The following NOTCH1 variants were observed in gnomAD, a reference collection of about 807,000 sequenced individuals.
The protein encoded by NOTCH1 is neurogenic locus notch homolog protein 1.
NOTCH1 carries 37 observed loss-of-function variants against 254.8 expected under a neutral mutation model. The observed-to-expected ratio is 0.15, with a 90% CI of 0.11 to 0.19. The LOEUF is 0.19. Ranked by LOEUF, NOTCH1 falls within the 10% of genes least tolerant of loss-of-function variation. The pLI is 1.00. For missense variants in NOTCH1, 2,972 were observed against 3,708.6 expected (o/e 0.80, Z 5.16); for synonymous variants, 1,731 against 1,618.1 (o/e 1.07, Z -1.68).
At chr9:136,517,960 A>T (rs1238957523) in intron 7 of NOTCH1, 23 bp from the exon 8 acceptor site, 2 of 1,604,308 alleles carry the variant, frequency 1.2e-6, no homozygotes, top group Non-Finnish European at 1.7e-6. Flanking sequence ...CACGGGTGAG[A>T]GGCTGCTCCA....
intron 2 of NOTCH1, among the ~76,000 whole-genome samples, chr9:136,526,379 G>T (rs1015349521): frequency 1.3e-5 from 2 of 152,222 alleles, no homozygotes; most frequent in African/African-American, 4.8e-5. Flanking sequence ...GCAGGGGGTG[G>T]GTACAGGACA....
intron 27 of NOTCH1, chr9:136,502,847 CT>C (rs1217471953): frequency 1.7e-6 from 1 of 580,944 alleles, no homozygotes; most frequent in East Asian, 3.1e-5. Flanking sequence ...CCGATCAATT[CT>C]TCTCTCTCTC....
chr9:136,537,326 T>TA (rs1360064107), intron 2 of NOTCH1, among the ~76,000 whole-genome samples: 1 of 152,174 alleles, frequency 6.6e-6, no homozygotes, highest in Non-Finnish European at 1.5e-5. Flanking sequence ...GGATGAACCT[T>TA]AAACACATCA....
At chr9:136,523,568 G>C in intron 3 of NOTCH1, 149 bp downstream of exon 3, 1 of 1,008,488 alleles carries the variant, frequency 9.9e-7, no homozygotes, top group Non-Finnish European at 1.4e-6. Flanking sequence ...TCCAGGTCTG[G>C]GAGGGGGGCA....
rs1060502232 is a variant in NOTCH1 at position 136,518,798 on chromosome 9, C to T, written c.892G>A (p.Glu298Lys). The change falls in exon 6 of 34, where the codon GAG becomes AAG. Residue 298 changes from glutamate to lysine, a missense_variant. By Grantham distance (56) the Glu-to-Lys change is moderately conservative. This residue lies in a region of NOTCH1 where 374 missense variants were observed against 496.3 expected (regional missense o/e 0.75). Coordinates refer to ENST00000651671, the MANE Select transcript of NOTCH1 (RefSeq NM_017617.5). ...CAGGCATTTGGCATCAGCTGGCACT[C>T]GTCCACATCCTCGGTACAGTACTGA... The part of the protein sequence containing the change: ...TGQYCTEDVD[E>K]CQLMPNACQN... 3 of 1,612,838 alleles carry T rather than the reference C, an allele frequency of 1.9e-6. No homozygotes were observed. Among genetic ancestry groups the T allele is most frequent in the Non-Finnish European group, 2.5e-6 (3 of 1,179,984 alleles).
At position 136,496,601 on chromosome 9, in the gene NOTCH1, C is replaced by T. The variant is rs769693988; in HGVS notation, c.7138G>A (p.Val2380Met). ...TGTGGCTGCACCTGCTGGGTCTGCA[C>T]CAGGTGAGGCTGGGTGGCCAGCCGG... ...STRLATQPHLVQTQQVQPQNL... is the reference protein window; with the variant it reads ...STRLATQPHLMQTQQVQPQNL... The change falls in exon 34 of 34, where the codon GTG (valine) becomes ATG (methionine). Residue 2380 changes from valine to methionine, a missense_variant. By Grantham distance (21) the Val-to-Met change is conservative (BLOSUM62 1). Around this residue, in one of 8 missense-constraint regions of NOTCH1, gnomAD observed 529 missense variants for 529.2 expected, o/e 1.00. Coordinates refer to ENST00000651671, the MANE Select transcript of NOTCH1 (RefSeq NM_017617.5). 69 of 1,612,864 alleles carry T rather than the reference C, an allele frequency of 4.3e-5. No individual in the cohort carries two copies. Among genetic ancestry groups the T allele is most frequent in the Non-Finnish European group, 5.7e-5 (67 of 1,179,990 alleles).
chr9:136,517,853 G>A lies in NOTCH1; in HGVS notation c.1340C>T (p.Pro447Leu), dbSNP rs2133368695. 6.2e-7 allele frequency: 1 copy of A among 1,612,700 alleles called. No homozygotes were observed. Among genetic ancestry groups the A allele is most frequent in the Non-Finnish European group, 8.5e-7 (1 of 1,179,946 alleles). Residue 447 changes from proline (P) to leucine (L), a missense_variant, in exon 8 of 34, where the codon CCC (proline) becomes CTC (leucine). This residue lies in a region of NOTCH1 where 90 missense variants were observed against 183.6 expected (regional missense o/e 0.49). Transcript: ENST00000651671. ...ECQCLQGYTG[P>L]RCEIDVNECV... ...CTCGTTGACGTCGATCTCGCATCGG[G>A]GGCCCGTGTAGCCCTGCAGACACTG...
chr9:136,519,792 G>C (rs952261719), intron 4 of NOTCH1, among the ~76,000 whole-genome samples: 1 of 152,238 alleles, frequency 6.6e-6, no homozygotes, highest in Non-Finnish European at 1.5e-5. Context: ...CAGGAACACA[G>C]GGTTCCAGAA....
At chr9:136,522,729 C>T in intron 4 of NOTCH1, 121 bp downstream of exon 4, 1 of 988,588 alleles carries the variant, frequency 1.0e-6, no homozygotes, top group South Asian at 1.7e-5. Flanking sequence ...GCCATCCCGC[C>T]TTCCCAACTC....
Position 136,498,902 on chromosome 9 carries a change from G to A in NOTCH1, c.6177C>T (p.Asn2059=), listed in dbSNP as rs992614355. Residue 2059 remains asparagine (N), a synonymous_variant, in exon 33 of 34, where the codon AAC becomes AAT. Transcript: ENST00000651671. ...GGCATCCCAGCCTCGCGCTCACCCTGTTGTTCTGCATATCTTTGTTAGCCC... is the reference window on the plus strand; with the variant it reads ...GGCATCCCAGCCTCGCGCTCACCCTATTGTTCTGCATATCTTTGTTAGCCC... ...KNGANKDMQN[N]REETPLFLAA... The A allele has an allele frequency of 4.3e-6, 7 of 1,613,604 alleles. No homozygotes were observed. Among genetic ancestry groups the A allele is most frequent in the Non-Finnish European group, 5.9e-6 (7 of 1,179,970 alleles).
chr9:136,541,543 G>A lies in NOTCH1; in HGVS notation c.140+2481C>T, dbSNP rs1156263358. 2.0e-5 allele frequency among the ~76,000 whole-genome samples: 3 copies of A among 152,308 alleles called. No homozygotes were observed. In the South Asian group the frequency reaches 6.2e-4, roughly 32 times the overall value. On this transcript the variant is annotated intron_variant, in intron 2 of 33. Transcript: ENST00000651671. ...CCCAGACTCTTTCGAGAAACAGTGT[G>A]GGTTTCTCCCCTTGCTGGGGGAGCC...
intron 8 of NOTCH1, 90 bp downstream of exon 8, chr9:136,517,662 G>A: frequency 4.0e-6 from 6 of 1,513,416 alleles, no homozygotes; most frequent in Non-Finnish European, 5.5e-6. Flanking sequence ...GCTGGGGAAA[G>A]CGGAAGCAAC....
chr9:136,543,049 G>A (rs1484491907), intron 2 of NOTCH1: 1 of 153,244 alleles, frequency 6.5e-6, no homozygotes, highest in African/African-American at 2.4e-5. Context: ...GTCAGAGTTT[G>A]CAGATGCCAG....
chr9:136,494,504 A>G lies in NOTCH1; in HGVS notation c.*1567T>C. 2.5e-6 allele frequency: 1 copy of G among 399,050 alleles called. No individual in the cohort carries two copies. The allele number at this position is 399,050 out of a possible 1,614,324, so 24.7% of individuals were successfully genotyped here. ...ACAAAAAAGATGAAAAAAATACATCATCTACAGTTCCTCATGTAGATCACT... is the reference window on the plus strand; with the variant it reads ...ACAAAAAAGATGAAAAAAATACATCGTCTACAGTTCCTCATGTAGATCACT... On this transcript the variant is annotated 3_prime_UTR_variant, in exon 34 of 34. Coordinates refer to ENST00000651671, the MANE Select transcript of NOTCH1 (RefSeq NM_017617.5).
intron 6 of NOTCH1, 71 bp downstream of exon 6, chr9:136,518,520 G>T: frequency 7.1e-7 from 1 of 1,414,104 alleles, no homozygotes; most frequent in Non-Finnish European, 9.8e-7. Flanking sequence ...CACAGTCCCT[G>T]GGTGAGGTCA....
chr9:136,513,121 C>G lies in NOTCH1; in HGVS notation c.2367G>C (p.Gln789His). The G allele has an allele frequency of 6.2e-7, 1 of 1,612,838 alleles. No individual in the cohort carries two copies. Residue 789 changes from glutamine (Q) to histidine (H), a missense_variant, in exon 15 of 34, where the codon CAG (glutamine) becomes CAC (histidine). Gln to His is a conservative substitution (Grantham distance 24). Coordinates refer to ENST00000651671, the MANE Select transcript of NOTCH1 (RefSeq NM_017617.5). The surrounding 1 kb of genome is among the most constrained non-coding windows in gnomAD (Gnocchi z 4.7). Reference protein sequence around the residue: ...CREGFSGPNCQTNINECASNP... With the variant: ...CREGFSGPNCHTNINECASNP... Reference sequence around the variant, plus strand: ...TGGACGCACACTCGTTGATGTTGGTCTGGCAGTTGGGACCTGGAGGGAAGG... The same window carrying G: ...TGGACGCACACTCGTTGATGTTGGTGTGGCAGTTGGGACCTGGAGGGAAGG...
chr9:136,528,398 G>GT (rs1843503875), intron 2 of NOTCH1, among the ~76,000 whole-genome samples: 1 of 33,570 alleles, frequency 3.0e-5, no homozygotes, highest in Non-Finnish European at 4.9e-5. Context: ...ACAGTGGGGG[G>GT]GGATGGGCAG....
chr9:136,526,706 C>T (rs1048256991), intron 2 of NOTCH1, among the ~76,000 whole-genome samples: 9 of 152,348 alleles, frequency 5.9e-5, no homozygotes, highest in Non-Finnish European at 8.8e-5. Flanking sequence ...CGGACCCCAA[C>T]GTGGAGGACT....
intron 22 of NOTCH1, 83 bp from the exon 23 acceptor site, chr9:136,507,056 G>A (rs548022093): frequency 5.2e-6 from 8 of 1,548,348 alleles, no homozygotes; most frequent in East Asian, 2.4e-5. Flanking sequence ...GAAGACGAGC[G>A]CTCAGGTCTG....
Sources: allele counts gnomAD v4.1 joint callset (sites outside exome capture counted in the v4.1 genomes callset), GRCh38; gene constraint gnomAD v4.1.1; regional missense constraint gnomAD v4.1.1; non-coding constraint Gnocchi (gnomAD v3.1); transcripts MANE v1.5; gene names NCBI Gene and HGNC (gene_info 2026-07-23, HGNC 2026-07-21).